SOX5: variants seen among roughly 807,000 people sequenced by gnomAD.
SOX5 encodes the protein transcription factor SOX-5.
A neutral mutation model predicts 92.0 loss-of-function variants in SOX5; 9 were observed. The ratio of observed to expected loss-of-function variants is 0.10; its 90% confidence interval spans 0.06 to 0.17. The LOEUF (loss-of-function observed/expected upper bound fraction) is 0.17, where lower values mean the gene tolerates loss of function less well. Among genes scored for constraint, SOX5 ranks in the 10% least tolerant of loss-of-function variants. SOX5 has a pLI of 1.00. For missense variants in SOX5, 642 were observed against 944.5 expected, an observed-to-expected ratio of 0.68 and a Z score of 4.20; for synonymous variants, 344 against 336.3, an observed-to-expected ratio of 1.02 and a Z score of -0.25.
chr12:24,309,141 A>G (rs1948918151), intron 2 of SOX5, among the ~76,000 whole-genome samples: 1 of 152,188 alleles, frequency 6.6e-6, no homozygotes, highest in African/African-American at 2.4e-5. Flanking sequence ...TACTTCACAA[A>G]CATGGCCATA....
At chr12:24,536,829 G>T (rs897153221) in intron 1 of SOX5, among the ~76,000 whole-genome samples, 8 of 152,054 alleles carry the variant, frequency 5.3e-5, no homozygotes, top group African/African-American at 1.9e-4. Flanking sequence ...CTGAATTCAA[G>T]GATTCAAATC....
chr12:24,461,399 A>G (rs1358981388), intron 1 of SOX5, among the ~76,000 whole-genome samples: 1 of 152,208 alleles, frequency 6.6e-6, no homozygotes, highest in Non-Finnish European at 1.5e-5. Context: ...GAGGATGACA[A>G]TTGATATGAA....
At chr12:23,536,182 G>A (rs1940394520) in intron 14 of SOX5, among the ~76,000 whole-genome samples, 1 of 152,310 alleles carries the variant, frequency 6.6e-6, no homozygotes, top group African/African-American at 2.4e-5. Context: ...ATACTTCTAA[G>A]TTTTTAATAG....
At chr12:24,327,597 T>A (rs1217847566) in intron 2 of SOX5, among the ~76,000 whole-genome samples, 2 of 151,488 alleles carry the variant, frequency 1.3e-5, no homozygotes, top group Non-Finnish European at 2.9e-5. Flanking sequence ...TATTTTTATT[T>A]TTTTTAGACA....
intron 1 of SOX5, among the ~76,000 whole-genome samples, chr12:23,902,513 T>C (rs1490471548): frequency 6.6e-6 from 1 of 152,144 alleles, no homozygotes; most frequent in Non-Finnish European, 1.5e-5. Context: ...CCTACCACCA[T>C]GGCAGAAGCA....
At chr12:23,677,875 T>C (rs2085962796) in intron 6 of SOX5, among the ~76,000 whole-genome samples, 1 of 152,150 alleles carries the variant, frequency 6.6e-6, no homozygotes, top group Non-Finnish European at 1.5e-5. Context: ...AATATTTCAA[T>C]ACAGCTCCCC....
intron 2 of SOX5, among the ~76,000 whole-genome samples, chr12:24,295,838 G>A (rs1335473728): frequency 2.0e-5 from 3 of 152,106 alleles, no homozygotes; most frequent in African/African-American, 7.2e-5. Flanking sequence ...AAAATGCTGG[G>A]TGGCATGAGC....
At chr12:24,382,253 G>C (rs1957900240) in intron 1 of SOX5, among the ~76,000 whole-genome samples, 1 of 152,144 alleles carries the variant, frequency 6.6e-6, no homozygotes, top group South Asian at 2.1e-4. Flanking sequence ...AGTCAAGATT[G>C]GAAGAAAGTG....
intron 2 of SOX5, among the ~76,000 whole-genome samples, chr12:24,283,069 T>C (rs10444419): frequency 1.3e-5 from 2 of 152,240 alleles, no homozygotes; most frequent in Non-Finnish European, 2.9e-5. Context: ...TATTAGTGCA[T>C]GTGCACTGAG....
chr12:24,100,626 A>C (rs1436834313), intron 4 of SOX5, among the ~76,000 whole-genome samples: 1 of 152,144 alleles, frequency 6.6e-6, no homozygotes, highest in African/African-American at 2.4e-5. Context: ...GCTTCTGATG[A>C]ACAAATTTAT....
chr12:23,788,996 C>T (rs1037954322), intron 3 of SOX5, among the ~76,000 whole-genome samples: 1 of 151,886 alleles, frequency 6.6e-6, no homozygotes, highest in Admixed American at 6.6e-5. Context: ...CTAAGGTCTG[C>T]CAATGAATCT....
chr12:24,014,514 T>C (rs1181136311), intron 4 of SOX5, among the ~76,000 whole-genome samples: 2 of 152,164 alleles, frequency 1.3e-5, no homozygotes, highest in Non-Finnish European at 2.9e-5. Flanking sequence ...CTGAACGAAA[T>C]GGCCACTCTT....
intron 2 of SOX5, among the ~76,000 whole-genome samples, chr12:23,879,316 GT>G (rs1568570158): frequency 7.7e-6 from 1 of 129,094 alleles, no homozygotes; most frequent in Admixed American, 8.3e-5. Context: ...AGTTGCTAAT[GT>G]ATCTAATCTG....
chr12:24,153,112 C>G (rs1248612528), intron 4 of SOX5, among the ~76,000 whole-genome samples: 1 of 152,150 alleles, frequency 6.6e-6, no homozygotes, highest in Non-Finnish European at 1.5e-5. Flanking sequence ...GCCATCATTT[C>G]AACCTTTGTT....
At chr12:23,896,753 C>T (rs1197339130) in intron 1 of SOX5, among the ~76,000 whole-genome samples, 1 of 146,240 alleles carries the variant, frequency 6.8e-6, no homozygotes, top group African/African-American at 2.5e-5. Flanking sequence ...TAAAATATTT[C>T]AATTCTATTT....
At chr12:23,819,692 T>C (rs1183017023) in intron 3 of SOX5, among the ~76,000 whole-genome samples, 1 of 152,174 alleles carries the variant, frequency 6.6e-6, no homozygotes, top group Non-Finnish European at 1.5e-5. Flanking sequence ...GGTTTTCTGT[T>C]CCTGTGTTAG....
At chr12:23,824,255 T>C (rs997169434) in intron 3 of SOX5, among the ~76,000 whole-genome samples, 1 of 152,258 alleles carries the variant, frequency 6.6e-6, no homozygotes, top group African/African-American at 2.4e-5. Flanking sequence ...TTTGTGGATT[T>C]ATGTACCTGT....
Position 24,091,993 on chromosome 12 carries a change from T to C in SOX5, c.-2+121350A>G, listed in dbSNP as rs145102036. Reference sequence around the variant, plus strand: ...GCCTCTGCCTAGATGCTTTTAGGGATGGTGTTTACTGCTTGACAAGGCACT... The same window carrying C: ...GCCTCTGCCTAGATGCTTTTAGGGACGGTGTTTACTGCTTGACAAGGCACT... On this transcript the variant is annotated intron_variant, in intron 4 of 4. Transcript: ENST00000446891. 6.4e-3 allele frequency among the ~76,000 whole-genome samples: 972 copies of C among 152,304 alleles called. 3 individuals are homozygous for C. The highest frequency in any genetic ancestry group is 0.011 in the South Asian group (52 of 4,830).
At chr12:23,695,180 G>A (rs917127196) in intron 6 of SOX5, among the ~76,000 whole-genome samples, 5 of 151,244 alleles carry the variant, frequency 3.3e-5, no homozygotes, top group African/African-American at 7.3e-5. Flanking sequence ...ACTCTGTTCT[G>A]TTCCACTGAT....
Sources: allele counts gnomAD v4.1 joint callset (sites outside exome capture counted in the v4.1 genomes callset), GRCh38; gene constraint gnomAD v4.1.1; transcripts MANE v1.5; gene names NCBI Gene and HGNC (gene_info 2026-07-23, HGNC 2026-07-21).